Variants in ARMC3 observed in about 807,000 individuals in gnomAD.
ARMC3 encodes the protein armadillo repeat-containing protein 3.
Under a neutral mutation model 90.3 loss-of-function variants are expected in ARMC3, and 74 were observed. That is an observed-to-expected ratio of 0.82 (90% CI 0.68 to 0.99). The LOEUF (loss-of-function observed/expected upper bound fraction) is 0.99, where lower values mean the gene tolerates loss of function less well. Among genes scored for constraint, ARMC3 ranks in the 50% least tolerant of loss-of-function variants. ARMC3 has a pLI of 0.00. For synonymous variants in ARMC3, 334 were observed against 361.8 expected, an observed-to-expected ratio of 0.92 and a Z score of 0.87; for missense variants, 958 against 1,042.8, an observed-to-expected ratio of 0.92 and a Z score of 1.12.
At chr10:22,937,709 C>G (rs78293740) in intron 2 of ARMC3, among the ~76,000 whole-genome samples, 1 of 152,088 alleles carries the variant, frequency 6.6e-6, no homozygotes, top group African/African-American at 2.4e-5. Context: ...ATTTAGAGCC[C>G]TCTCTCCTGA....
At chr10:22,960,129 C>T (rs1835127352) in intron 6 of ARMC3, 1 of 262,510 alleles carries the variant, frequency 3.8e-6, no homozygotes, top group Non-Finnish European at 7.3e-6. Flanking sequence ...CCTTTGCACC[C>T]CAACCCCCAG....
rs1288522081 is a variant in ARMC3, at chr10:22,981,509, C to T, written c.1069+17C>T. The T allele has an allele frequency of 6.2e-7, 1 of 1,613,468 alleles. No homozygotes were observed. The highest frequency in any genetic ancestry group is 8.5e-7 in the Non-Finnish European group (1 of 1,179,666). ...ATAATCAGGGTAAGTCAACTGGAAACAATTCTTTTGAGCATTTTTAGGTTA... is the reference window on the plus strand; with the variant it reads ...ATAATCAGGGTAAGTCAACTGGAAATAATTCTTTTGAGCATTTTTAGGTTA... On this transcript the variant is annotated intron_variant, in intron 9 of 18. Transcript: ENST00000298032.
intron 10 of ARMC3, among the ~76,000 whole-genome samples, chr10:22,986,551 CAAAAAAAAAAACA>C (rs1186878708): frequency 3.5e-5 from 3 of 85,812 alleles, no homozygotes; most frequent in African/African-American, 1.2e-4. Flanking sequence ...GACTCCATCT[CAAAAAAAAAAACA>C]AAAAAAAAAA....
intron 2 of ARMC3, among the ~76,000 whole-genome samples, chr10:22,945,731 G>C (rs554361461): frequency 6.6e-6 from 1 of 152,280 alleles, no homozygotes; most frequent in African/African-American, 2.4e-5. Flanking sequence ...ATAAACATCT[G>C]TCATGTGCCA....
At chr10:22,993,623 A>G (rs1836811821) in intron 10 of ARMC3, among the ~76,000 whole-genome samples, 2 of 152,232 alleles carry the variant, frequency 1.3e-5, no homozygotes, top group South Asian at 4.1e-4. Context: ...CACCGGAAAT[A>G]TAAATAAGAC....
At chr10:22,954,110 A>G (rs552172544) in intron 3 of ARMC3, among the ~76,000 whole-genome samples, 1 of 152,288 alleles carries the variant, frequency 6.6e-6, no homozygotes, top group Admixed American at 6.5e-5. Context: ...CATTTCCCTA[A>G]TGACTAATGA....
intron 4 of ARMC3, 105 bp from the exon 5 acceptor site, chr10:22,958,965 C>T: frequency 1.1e-6 from 1 of 888,934 alleles, no homozygotes; most frequent in Non-Finnish European, 1.8e-6. Context: ...TCAAGTGATT[C>T]ACCCGCCTCA....
intron 3 of ARMC3, among the ~76,000 whole-genome samples, chr10:22,948,851 G>T (rs1834634655): frequency 6.6e-6 from 1 of 152,204 alleles, no homozygotes; most frequent in East Asian, 1.9e-4. Flanking sequence ...CACAGAAGGA[G>T]AACTCAGGAG....
At chr10:22,957,199 T>G (rs1260336271) in intron 4 of ARMC3, among the ~76,000 whole-genome samples, 1 of 151,860 alleles carries the variant, frequency 6.6e-6, no homozygotes, top group Non-Finnish European at 1.5e-5. Context: ...CCGCCCGCCA[T>G]TTTCCCTGGA....
chr10:23,007,716 AAG>A lies in ARMC3; in HGVS notation c.1830-551_1830-550del, dbSNP rs66842579. On this transcript the variant is annotated intron_variant, in intron 14 of 18. Transcript: ENST00000298032. ...TCCGTCTCAAAAAAAAAAAAAAAAA[AAG>A]AGAGAGAGCGAGAGATCGTGTATAT... 1.4e-4 allele frequency among the ~76,000 whole-genome samples: 15 copies of A among 108,072 alleles called. 4 individuals carry two copies. The highest frequency in any genetic ancestry group is 1.7e-4 in the Non-Finnish European group (9 of 53,582). 70.9% of individuals were successfully genotyped at this position (108,072 alleles called of 152,430 possible). A position where few individuals can be genotyped will look rare whatever the true frequency, so the allele number is the denominator to read the frequency against.
chr10:22,965,589 G>A (rs1835407325), intron 7 of ARMC3, among the ~76,000 whole-genome samples: 1 of 151,980 alleles, frequency 6.6e-6, no homozygotes, highest in African/African-American at 2.4e-5. Context: ...GCCAATCATG[G>A]AATTTTTCAG....
chr10:23,001,384 C>A (rs1396125512), intron 11 of ARMC3, among the ~76,000 whole-genome samples: 1 of 152,208 alleles, frequency 6.6e-6, no homozygotes, highest in African/African-American at 2.4e-5. Flanking sequence ...ATCACTGCAA[C>A]CTCTGCTTCC....
intron 4 of ARMC3, 105 bp from the exon 5 acceptor site, chr10:22,958,965 C>G (rs1252196308): frequency 1.1e-6 from 1 of 888,934 alleles, no homozygotes; most frequent in African/African-American, 1.7e-5. Flanking sequence ...TCAAGTGATT[C>G]ACCCGCCTCA....
intron 2 of ARMC3, among the ~76,000 whole-genome samples, chr10:22,945,585 G>T (rs1834494489): frequency 1.3e-5 from 2 of 151,634 alleles, no homozygotes; most frequent in African/African-American, 4.8e-5. Flanking sequence ...TTTTTTTATT[G>T]TTTTACATAT....
Position 22,932,030 on chromosome 10 carries a change from C to G in ARMC3, c.34C>G (p.Pro12Ala). The change falls in exon 2 of 19, where the codon CCT becomes GCT. Residue 12 changes from proline to alanine, a missense_variant. Transcript: ENST00000298032. ...AAAGATAAAGAAGGAAGTAGAGCCT[C>G]CTCCTAAGGATGTGGTAAGTTTCTG... ...GKKIKKEVEP[P>A]PKDVFDPLMI... The G allele has an allele frequency of 6.2e-7, 1 of 1,603,348 alleles. No homozygotes were observed. The highest frequency in any genetic ancestry group is 8.5e-7 in the Non-Finnish European group (1 of 1,176,810).
intron 16 of ARMC3, among the ~76,000 whole-genome samples, chr10:23,012,921 A>C (rs1588922082): frequency 1.5e-5 from 2 of 133,286 alleles, no homozygotes; most frequent in African/African-American, 3.0e-5. Flanking sequence ...ACAGAGTCTC[A>C]CTCTATCACC....
chr10:22,996,825 T>C (rs1366393215), intron 10 of ARMC3, among the ~76,000 whole-genome samples: 1 of 152,216 alleles, frequency 6.6e-6, no homozygotes, highest in African/African-American at 2.4e-5. Flanking sequence ...CTTGAGGTTG[T>C]GAGTCCTCCT....
intron 10 of ARMC3, among the ~76,000 whole-genome samples, chr10:22,992,997 A>T (rs1398105613): frequency 3.3e-5 from 1 of 29,926 alleles, no homozygotes; most frequent in Non-Finnish European, 6.6e-5. Context: ...AAACTCACGG[A>T]GACATGAAAA....
intron 16 of ARMC3, among the ~76,000 whole-genome samples, chr10:23,009,365 G>A (rs764602128): frequency 9.9e-5 from 15 of 152,124 alleles, no homozygotes; most frequent in Admixed American, 2.6e-4. Context: ...TTGCTTCCAC[G>A]GCCCTCCCCA....
Sources: gnomAD v4.1 joint callset for allele counts (sites outside exome capture counted in the v4.1 genomes callset) on GRCh38, gnomAD v4.1.1 for gene constraint, MANE v1.5 for transcripts, NCBI Gene and HGNC (gene_info 2026-07-23, HGNC 2026-07-21) for gene names.